FBXO42: variants seen among roughly 807,000 people sequenced by gnomAD.
FBXO42 encodes the protein F-box protein 42.
A neutral mutation model predicts 71.7 loss-of-function variants in FBXO42; 12 were observed. That is an observed-to-expected ratio of 0.17 (90% CI 0.11 to 0.27). The LOEUF (loss-of-function observed/expected upper bound fraction) is 0.27, where lower values mean the gene tolerates loss of function less well. FBXO42 is among the 10% of genes least tolerant of loss of function. The pLI is 1.00. For synonymous variants in FBXO42, 325 were observed against 327.5 expected (o/e 0.99, Z 0.08); for missense variants, 707 against 911.9 (o/e 0.78, Z 2.89).
At chr1:16,347,583 T>C (rs1469794000) in intron 1 of FBXO42, among the ~76,000 whole-genome samples, 2 of 148,796 alleles carry the variant, frequency 1.3e-5, no homozygotes, top group African/African-American at 5.0e-5. Context: ...GGCAGGGCAC[T>C]GTGGCTCACG....
chr1:16,304,131 T>C (rs1334576148), intron 3 of FBXO42, among the ~76,000 whole-genome samples: 3 of 125,090 alleles, frequency 2.4e-5, no homozygotes, highest in Non-Finnish European at 5.3e-5. Context: ...TTTTTTTTTT[T>C]CTGAGATGGA....
At chr1:16,306,181 C>G (rs2082249101) in intron 2 of FBXO42, among the ~76,000 whole-genome samples, 1 of 152,008 alleles carries the variant, frequency 6.6e-6, no homozygotes, top group South Asian at 2.1e-4. Context: ...GCCACCATGC[C>G]CAGCTAATTT....
At chr1:16,332,796 C>A (rs545926252) in intron 1 of FBXO42, among the ~76,000 whole-genome samples, 1 of 152,268 alleles carries the variant, frequency 6.6e-6, no homozygotes, top group African/African-American at 2.4e-5. Context: ...CTGCCTCGGC[C>A]TCCCAAAGTG....
intron 1 of FBXO42, among the ~76,000 whole-genome samples, chr1:16,320,309 C>T (rs561893676): frequency 7.1e-6 from 1 of 141,568 alleles, no homozygotes; most frequent in Admixed American, 7.7e-5. Context: ...TGCAGTAAGC[C>T]GAGATCATGC....
chr1:16,342,788 T>C (rs2082619620), intron 1 of FBXO42, among the ~76,000 whole-genome samples: 1 of 152,008 alleles, frequency 6.6e-6, no homozygotes, highest in African/African-American at 2.4e-5. Context: ...GTTTAGGTAA[T>C]GGGGGCAGAT....
At chr1:16,326,694 A>G (rs1445350705) in intron 1 of FBXO42, among the ~76,000 whole-genome samples, 5 of 151,832 alleles carry the variant, frequency 3.3e-5, no homozygotes, top group African/African-American at 9.7e-5. Flanking sequence ...AAAAAAAAAA[A>G]AAAAAAGAAA....
intron 4 of FBXO42, among the ~76,000 whole-genome samples, chr1:16,265,543 C>T (rs2081762150): frequency 6.6e-6 from 1 of 151,684 alleles, no homozygotes; most frequent in Non-Finnish European, 1.5e-5. Context: ...TCATTATAAC[C>T]TTAAAATGCA....
At chr1:16,288,974 A>T (rs1031177428) in intron 4 of FBXO42, among the ~76,000 whole-genome samples, 1 of 151,610 alleles carries the variant, frequency 6.6e-6, no homozygotes, top group African/African-American at 2.4e-5. Context: ...AAAAAAAAAA[A>T]GTTTTGTCAG....
intron 4 of FBXO42, among the ~76,000 whole-genome samples, chr1:16,282,601 T>C (rs879328121): frequency 6.7e-4 from 102 of 151,718 alleles, no homozygotes; most frequent in Non-Finnish European, 1.3e-3. Context: ...TCCTAGCAGT[T>C]TGGGAGGCCA....
chr1:16,332,252 T>C (rs764900478), intron 1 of FBXO42, among the ~76,000 whole-genome samples: 2 of 152,128 alleles, frequency 1.3e-5, no homozygotes, highest in Non-Finnish European at 2.9e-5. Flanking sequence ...ACTGAGAGCT[T>C]TGCTTGCACT....
At chr1:16,302,942 T>C (rs1446230594) in intron 3 of FBXO42, among the ~76,000 whole-genome samples, 1 of 152,114 alleles carries the variant, frequency 6.6e-6, no homozygotes, top group African/African-American at 2.4e-5. Context: ...GGATTACCAC[T>C]GGAGGAGATG....
rs772504331 is a variant in FBXO42 at position 16,252,376 on chromosome 1, A to T, written c.950T>A (p.Met317Lys). 3.1e-6 allele frequency: 5 copies of T among 1,614,166 alleles called. No homozygotes were observed. The highest frequency in any genetic ancestry group is 4.2e-6 in the Non-Finnish European group (5 of 1,180,006). ...ALFKDAWLLH[M>K]HSGPWAWQPL... Reference sequence around the variant, plus strand: ...CTGCCAGGCCCAAGGACCAGAATGCATGTGCAACAACCAAGCATCCTTGAA... The same window carrying T: ...CTGCCAGGCCCAAGGACCAGAATGCTTGTGCAACAACCAAGCATCCTTGAA... The change falls in exon 9 of 10, where the codon ATG (methionine) becomes AAG (lysine). Residue 317 changes from methionine to lysine, a missense_variant. Met to Lys is a moderately conservative substitution (Grantham distance 95). Coordinates refer to ENST00000375592, the MANE Select transcript of FBXO42 (RefSeq NM_018994.3). The surrounding 1 kb of genome is among the most constrained non-coding windows in gnomAD (Gnocchi z 4.4).
chr1:16,350,743 C>CAAAAAAA (rs143818159), intron 1 of FBXO42, among the ~76,000 whole-genome samples: 2 of 65,756 alleles, frequency 3.0e-5, no homozygotes, highest in African/African-American at 6.1e-5. Flanking sequence ...TGAGAAACTG[C>CAAAAAAA]AAAAAAAAAA....
chr1:16,305,762 C>A, intron 3 of FBXO42, 41 bp downstream of exon 3: 1 of 1,529,008 alleles, frequency 6.5e-7, no homozygotes, highest in Non-Finnish European at 9.1e-7. Context: ...GGAAATATGA[C>A]CACAGGCAGG....
intron 4 of FBXO42, among the ~76,000 whole-genome samples, chr1:16,289,342 T>TATA (rs2082055378): frequency 6.6e-6 from 1 of 151,702 alleles, no homozygotes; most frequent in African/African-American, 2.4e-5. Flanking sequence ...GGTTTGAGGC[T>TATA]ATAGTCAATT....
At chr1:16,275,641 GAATAAA>G (rs2081892136) in intron 4 of FBXO42, among the ~76,000 whole-genome samples, 1 of 152,040 alleles carries the variant, frequency 6.6e-6, no homozygotes, top group Admixed American at 6.6e-5. Flanking sequence ...AGAAAAGGAA[GAATAAA>G]AATAAAAAGC....
At chr1:16,319,475 G>C (rs1358193039) in intron 1 of FBXO42, among the ~76,000 whole-genome samples, 1 of 152,170 alleles carries the variant, frequency 6.6e-6, no homozygotes, top group Non-Finnish European at 1.5e-5. Flanking sequence ...TCAGCAAATT[G>C]GTGGCTACTT....
Position 16,334,474 on chromosome 1 carries a change from A to G in FBXO42, c.-18+17781T>C, listed in dbSNP as rs567384965. ...TTCTACAGATAAGACTAATGACCTG[A>G]GAACACCTCCCTGGCACTTGGAGCA... is the stretch of plus-strand genomic sequence containing the variant. On this transcript the variant is annotated intron_variant, in intron 1 of 9. Transcript: ENST00000375592. Among the ~76,000 whole-genome samples, 5 of 151,878 alleles carry G rather than the reference A, an allele frequency of 3.3e-5. No individual in the cohort carries two copies. In the East Asian group the frequency reaches 9.7e-4, roughly 29 times the overall value.
intron 4 of FBXO42, among the ~76,000 whole-genome samples, chr1:16,269,431 G>A (rs956559926): frequency 3.3e-5 from 5 of 150,876 alleles, no homozygotes; most frequent in Admixed American, 6.6e-5. Flanking sequence ...TCCCCAGGCC[G>A]GAGTGCAGTG....
Sources: allele counts gnomAD v4.1 joint callset (sites outside exome capture counted in the v4.1 genomes callset), GRCh38; gene constraint gnomAD v4.1.1; non-coding constraint Gnocchi (gnomAD v3.1); transcripts MANE v1.5; gene names NCBI Gene and HGNC (gene_info 2026-07-23, HGNC 2026-07-21).